LINC00632: variants seen among roughly 807,000 people sequenced by gnomAD.
The protein encoded by LINC00632 is long independently transcribed non-coding RNA 632.
chrX:140,762,469 G>T (rs1931617280), intron 3 of LINC00632, among the ~76,000 whole-genome samples: 1 of 112,320 alleles, frequency 8.9e-6, no homozygotes, highest in Non-Finnish European at 1.9e-5. Flanking sequence ...TTGACTGTGA[G>T]AAAAATGATA....
intron 3 of LINC00632, among the ~76,000 whole-genome samples, chrX:140,736,436 C>CTTTT (rs748293491): frequency 3.0e-4 from 15 of 50,054 alleles, no homozygotes; most frequent in African/African-American, 4.0e-4. Context: ...TCTTCTTCTT[C>CTTTT]TTTTTTTTTT....
intron 3 of LINC00632, among the ~76,000 whole-genome samples, chrX:140,744,437 A>G (rs1275459669): frequency 3.6e-5 from 4 of 109,892 alleles, no homozygotes; most frequent in Non-Finnish European, 7.6e-5. Context: ...AGATGCTTGT[A>G]TGTGAGAAGC....
chrX:140,780,420 C>T (rs1931918718), exon 5 of LINC00632, among the ~76,000 whole-genome samples: 1 of 111,769 alleles, frequency 8.9e-6, no homozygotes, highest in Non-Finnish European at 1.9e-5. Context: ...CTGTAAGTTA[C>T]TCCCTGATCT....
chrX:140,778,701 A>T (rs1042782100), exon 5 of LINC00632, among the ~76,000 whole-genome samples: 1 of 110,760 alleles, frequency 9.0e-6, no homozygotes, highest in Non-Finnish European at 1.9e-5. Context: ...ATTTATTTTG[A>T]CCAGAATTAG....
exon 5 of LINC00632, among the ~76,000 whole-genome samples, chrX:140,789,303 C>G (rs951983065): frequency 2.8e-4 from 31 of 110,582 alleles, no homozygotes; most frequent in African/African-American, 9.8e-4. Flanking sequence ...TTTTATAAAA[C>G]AGCTACAGGA....
chrX:140,720,677 G>A (rs755791611), intron 2 of LINC00632, among the ~76,000 whole-genome samples: 5 of 111,536 alleles, frequency 4.5e-5, no homozygotes, highest in East Asian at 2.8e-4. Context: ...ATGTATTATC[G>A]GACATGTCCG....
At chrX:140,737,900 T>A (rs1931167518) in intron 3 of LINC00632, among the ~76,000 whole-genome samples, 2 of 112,343 alleles carry the variant, frequency 1.8e-5, no homozygotes, top group African/African-American at 6.5e-5. Flanking sequence ...ATTCCATATC[T>A]TTGCTATTGT....
At chrX:140,772,936 T>C (rs1931824113) in exon 4 of LINC00632, among the ~76,000 whole-genome samples, 1 of 111,522 alleles carries the variant, frequency 9.0e-6, no homozygotes, top group African/African-American at 3.3e-5. Context: ...AAATGCCAGG[T>C]GGGTGGATCA....
intron 2 of LINC00632, among the ~76,000 whole-genome samples, chrX:140,731,065 C>A (rs12841148): frequency 0.44 from 48,458 of 109,064 alleles, 9,071 homozygotes; most frequent in South Asian, 0.72. Flanking sequence ...CCAGACCCAG[C>A]TAATTTTTTA....
At chrX:140,773,247 A>G (rs1931832514) in exon 4 of LINC00632, among the ~76,000 whole-genome samples, 1 of 112,139 alleles carries the variant, frequency 8.9e-6, no homozygotes, top group Non-Finnish European at 1.9e-5. Flanking sequence ...GCCTGTAATG[A>G]AAAGAAGTGG....
At chrX:140,785,803 C>T (rs1373441893) in exon 5 of LINC00632, among the ~76,000 whole-genome samples, 2 of 112,164 alleles carry the variant, frequency 1.8e-5, no homozygotes, top group Non-Finnish European at 3.8e-5. Context: ...TTTAACTCTT[C>T]TATCTATTTG....
chrX:140,724,606 C>A lies in LINC00632; in HGVS notation n.105-9272C>A, dbSNP rs192242887. On this transcript the variant is annotated intron_variant and non_coding_transcript_variant, in intron 2 of 4. Transcript: ENST00000648200. The stretch of plus-strand genomic sequence containing the variant: ...CACGCACAGACACACATTCTGTACA[C>A]ACACACACAAACACATATTCCGTGT... Among the ~76,000 whole-genome samples the A allele has an allele frequency of 3.0e-4, 13 of 42,627 alleles. No homozygotes were observed. The East Asian group carries it at 9.0e-3, about 29-fold the overall frequency. The allele number at this position is 42,627 out of a possible 115,157, so 37.0% of individuals were successfully genotyped here.
At position 140,783,596 on chromosome X, in the gene LINC00632, C is replaced by T. The variant is rs146918318; in HGVS notation, n.11615C>T. On this transcript the variant is annotated non_coding_transcript_exon_variant, in exon 5 of 5. Transcript: ENST00000648200. The stretch of plus-strand genomic sequence containing the variant: ...GAAAAATCTAGATCTTCCAGTCAAT[C>T]AGTGTCTTCCAGAAAGAAATCCAGG... 356 of 1,202,359 alleles carry T rather than the reference C, an allele frequency of 3.0e-4. 2 individuals carry two copies. The highest frequency in any genetic ancestry group is 5.4e-5 in the Non-Finnish European group (48 of 892,542).
intron 2 of LINC00632, among the ~76,000 whole-genome samples, chrX:140,723,424 A>G (rs1930778421): frequency 8.5e-5 from 4 of 47,059 alleles, no homozygotes; most frequent in African/African-American, 3.4e-4. Context: ...CATTCCATAC[A>G]CACACATTCC....
At chrX:140,743,118 G>T (rs1028442173) in intron 3 of LINC00632, among the ~76,000 whole-genome samples, 9 of 104,368 alleles carry the variant, frequency 8.6e-5, no homozygotes, top group African/African-American at 2.5e-4. Flanking sequence ...CCAGCTATTC[G>T]GGAGGCTGAG....
At chrX:140,768,633 AC>A (rs1931733219) in intron 3 of LINC00632, among the ~76,000 whole-genome samples, 1 of 62,481 alleles carries the variant, frequency 1.6e-5, no homozygotes, top group Non-Finnish European at 3.6e-5. Context: ...AAATATATAT[AC>A]TATATAATAT....
chrX:140,714,897 G>C (rs1165362265), intron 2 of LINC00632: 1 of 107,972 alleles, frequency 9.3e-6, no homozygotes, highest in Non-Finnish European at 1.9e-5. Context: ...ACTTGCTCCA[G>C]AGTTCACTCA....
chrX:140,730,191 T>G (rs547100138), intron 2 of LINC00632, among the ~76,000 whole-genome samples: 1 of 111,043 alleles, frequency 9.0e-6, no homozygotes, highest in African/African-American at 3.3e-5. Flanking sequence ...TATGTCTCTT[T>G]TAATGTAGAG....
chrX:140,779,040 G>GT (rs1218684229), exon 5 of LINC00632, among the ~76,000 whole-genome samples: 1 of 111,920 alleles, frequency 8.9e-6, no homozygotes, highest in African/African-American at 3.2e-5. Context: ...AGAAATAGAA[G>GT]TTAATGACAA....
Sources: gnomAD v4.1 joint callset for allele counts (sites outside exome capture counted in the v4.1 genomes callset) on GRCh38, gnomAD v4.1.1 for gene constraint, MANE v1.5 for transcripts, NCBI Gene and HGNC (gene_info 2026-07-23, HGNC 2026-07-21) for gene names.